Variants in CPVL observed in about 807,000 individuals in gnomAD.
CPVL encodes the protein probable serine carboxypeptidase CPVL.
In CPVL, 51 loss-of-function variants were observed where a neutral mutation model predicts 63.7. That is an observed-to-expected ratio of 0.80 (90% CI 0.64 to 1.01). The LOEUF is 1.01. CPVL is among the 50% of genes least tolerant of loss of function. The pLI is 0.00. For synonymous variants in CPVL, 195 were observed against 206.0 expected (o/e 0.95, Z 0.46); for missense variants, 530 against 573.1 (o/e 0.92, Z 0.77).
intron 3 of CPVL, among the ~76,000 whole-genome samples, chr7:29,105,655 T>G (rs920156424): frequency 6.6e-6 from 1 of 152,102 alleles, no homozygotes; most frequent in Non-Finnish European, 1.5e-5. Flanking sequence ...AATTTTTTAT[T>G]TAATTTATTT....
intron 1 of CPVL, among the ~76,000 whole-genome samples, chr7:29,189,110 C>T (rs1799078078): frequency 6.6e-6 from 1 of 152,030 alleles, no homozygotes; most frequent in Admixed American, 6.6e-5. Context: ...ACCATCACGC[C>T]TGGCTAATTT....
At chr7:29,031,603 T>C (rs996102147) in intron 11 of CPVL, among the ~76,000 whole-genome samples, 3 of 152,192 alleles carry the variant, frequency 2.0e-5, no homozygotes, top group Admixed American at 2.0e-4. Context: ...AACTTAAAAA[T>C]GTTGAAATTC....
At chr7:29,024,988 TAA>T (rs1787349416) in intron 12 of CPVL, among the ~76,000 whole-genome samples, 1 of 151,980 alleles carries the variant, frequency 6.6e-6, no homozygotes, top group African/African-American at 2.4e-5. Context: ...TGATAAGCAA[TAA>T]AAGAGGAAGA....
upstream of CPVL, among the ~76,000 whole-genome samples, chr7:29,151,178 A>C (rs1390525434): frequency 2.6e-5 from 4 of 152,210 alleles, no homozygotes; most frequent in East Asian, 7.7e-4. Flanking sequence ...TACAGACTCC[A>C]GGGAAGTTGT....
At chr7:29,083,439 T>C (rs1336370673) in intron 7 of CPVL, among the ~76,000 whole-genome samples, 1 of 152,214 alleles carries the variant, frequency 6.6e-6, no homozygotes, top group Non-Finnish European at 1.5e-5. Context: ...TCCAACCACC[T>C]GGGTCCAGCT....
intron 11 of CPVL, among the ~76,000 whole-genome samples, chr7:29,059,749 G>T (rs1252178792): frequency 6.6e-6 from 1 of 152,276 alleles, no homozygotes; most frequent in East Asian, 1.9e-4. Flanking sequence ...CACCCATGGT[G>T]TTTTAAACTC....
chr7:29,037,041 C>G (rs1287189153), intron 11 of CPVL, among the ~76,000 whole-genome samples: 1 of 152,184 alleles, frequency 6.6e-6, no homozygotes, highest in Admixed American at 6.5e-5. Context: ...TCCATAAGAA[C>G]ACATTGAACA....
Position 29,189,385 on chromosome 7 carries a change from A to C in CPVL, c.-447-2838T>G, listed in dbSNP as rs149051378. ...GTAGTAGAGAATGAATATATTGGAT[A>C]TCGTTATGAAAGCAAATTTTCATAG... On this transcript the variant is annotated intron_variant, in intron 1 of 16. Coordinates refer to the CPVL transcript ENST00000409850. Among the ~76,000 whole-genome samples, 47 of 152,286 alleles carry C rather than the reference A, an allele frequency of 3.1e-4. No homozygotes were observed. The East Asian group carries it at 7.9e-3, about 26-fold the overall frequency.
chr7:29,108,915 A>G (rs1220482001), intron 3 of CPVL, among the ~76,000 whole-genome samples: 3 of 152,214 alleles, frequency 2.0e-5, no homozygotes, highest in Admixed American at 1.3e-4. Context: ...TGGATCTAAC[A>G]CATGACGGCC....
chr7:29,143,785 T>C (rs114257407), intron 1 of CPVL, among the ~76,000 whole-genome samples: 330 of 152,362 alleles, frequency 2.2e-3, no homozygotes, highest in African/African-American at 7.5e-3. Context: ...GGCTCCAAGA[T>C]CTAAGGACAC....
chr7:29,003,615 T>C lies in CPVL; in HGVS notation c.1321-7733A>G, dbSNP rs971352987. On this transcript the variant is annotated intron_variant, in intron 12 of 12. Transcript: ENST00000265394. ...ATAATGTCTTCTGGAGTTTGAACTA[T>C]GTAGAAGTTTTTCAAAAGACAGTAC... is the stretch of plus-strand genomic sequence containing the variant. 4.6e-5 allele frequency among the ~76,000 whole-genome samples: 7 copies of C among 152,170 alleles called. No homozygotes were observed. In the East Asian group the frequency reaches 5.8e-4, roughly 13 times the overall value.
At chr7:29,048,520 C>A (rs1206597237) in intron 11 of CPVL, among the ~76,000 whole-genome samples, 1 of 151,938 alleles carries the variant, frequency 6.6e-6, no homozygotes, top group East Asian at 1.9e-4. Flanking sequence ...CAGTGGAGCT[C>A]CCAAATTTAT....
intron 5 of CPVL, among the ~76,000 whole-genome samples, chr7:29,155,720 C>T (rs903936706): frequency 2.0e-5 from 3 of 152,154 alleles, no homozygotes; most frequent in South Asian, 2.1e-4. Flanking sequence ...CAAGGTCAAC[C>T]GTGGACAGTC....
At chr7:29,093,884 G>T (rs1038316843) in intron 5 of CPVL, among the ~76,000 whole-genome samples, 4 of 152,218 alleles carry the variant, frequency 2.6e-5, no homozygotes, top group Non-Finnish European at 4.4e-5. Context: ...TGAAAAGTGA[G>T]AGAAGTTAAA....
chr7:29,081,142 A>G (rs1262441067), intron 7 of CPVL, among the ~76,000 whole-genome samples: 1 of 152,234 alleles, frequency 6.6e-6, no homozygotes, highest in African/African-American at 2.4e-5. Context: ...ACCTGGGCTC[A>G]TGTACAATTG....
At chr7:29,000,257 T>C (rs1309085531) in intron 12 of CPVL, among the ~76,000 whole-genome samples, 1 of 150,790 alleles carries the variant, frequency 6.6e-6, no homozygotes, top group Non-Finnish European at 1.5e-5. Context: ...CCTGTTTAGA[T>C]GACAGAAAAG....
At chr7:29,128,798 A>T (rs181877839) in intron 1 of CPVL, among the ~76,000 whole-genome samples, 22 of 152,154 alleles carry the variant, frequency 1.4e-4, no homozygotes, top group African/African-American at 4.8e-4. Context: ...GCTAACAATG[A>T]GTGGGAAACA....
chr7:29,078,237 A>G (rs1196507340), intron 7 of CPVL, among the ~76,000 whole-genome samples: 1 of 152,226 alleles, frequency 6.6e-6, no homozygotes, highest in African/African-American at 2.4e-5. Flanking sequence ...ATCTATAGCC[A>G]ATTTTTAGTC....
chr7:29,118,734 T>C (rs1231797002), intron 2 of CPVL, among the ~76,000 whole-genome samples: 2 of 152,224 alleles, frequency 1.3e-5, no homozygotes, highest in East Asian at 3.9e-4. Flanking sequence ...TATTTTAAAC[T>C]TCTTTATAGA....
Sources: allele counts gnomAD v4.1 joint callset (sites outside exome capture counted in the v4.1 genomes callset), GRCh38; gene constraint gnomAD v4.1.1; transcripts MANE v1.5; gene names NCBI Gene and HGNC (gene_info 2026-07-23, HGNC 2026-07-21).